The following MKRN1 variants were observed in gnomAD, a reference collection of about 807,000 sequenced individuals.
MKRN1 encodes E3 ubiquitin-protein ligase makorin-1.
Under a neutral mutation model 55.5 loss-of-function variants are expected in MKRN1, and 9 were observed. That is an observed-to-expected ratio of 0.16 (90% confidence interval 0.10 to 0.28). MKRN1 has a LOEUF of 0.28. MKRN1 is among the 10% of genes least tolerant of loss of function. MKRN1 has a pLI of 1.00. For synonymous variants in MKRN1, 253 were observed against 235.9 expected (o/e 1.07, Z -0.66); for missense variants, 488 against 626.7 (o/e 0.78, Z 2.36).
At chr7:140,459,989 G>A in intron 2 of MKRN1, 53 bp from the exon 3 acceptor site, 8 of 1,481,122 alleles carry the variant, frequency 5.4e-6, no homozygotes, top group Non-Finnish European at 7.5e-6. Flanking sequence ...GCTCAAGCCT[G>A]TAATCCCAAC....
rs541104440 is a variant in MKRN1, at chr7:140,467,128, C to A, written c.314+4755G>T. Among the ~76,000 whole-genome samples the A allele has an allele frequency of 1.6e-4, 24 of 152,112 alleles. No homozygotes were observed. The South Asian group carries it at 4.6e-3, about 29-fold the overall frequency. ...GAGTAGCTAGGATTACAGGCATGCG[C>A]CACCATGCTTGGGTAATTTTGTATT... On this transcript the variant is annotated intron_variant, in intron 2 of 7. Coordinates refer to ENST00000255977, the MANE Select transcript of MKRN1 (RefSeq NM_013446.4).
At chr7:140,473,847 C>G (rs1795007614) in intron 1 of MKRN1, 1 of 151,488 alleles carries the variant, frequency 6.6e-6, no homozygotes, top group African/African-American at 2.4e-5. Flanking sequence ...CAAAAATTAG[C>G]CGAGTGTGAT....
chr7:140,461,946 G>C (rs772812341), intron 2 of MKRN1, among the ~76,000 whole-genome samples: 2 of 152,200 alleles, frequency 1.3e-5, no homozygotes, highest in Non-Finnish European at 2.9e-5. Flanking sequence ...TGGTGCCATT[G>C]CACTCCAGCC....
chr7:140,465,261 G>A (rs1157888150), intron 2 of MKRN1, among the ~76,000 whole-genome samples: 2 of 152,122 alleles, frequency 1.3e-5, no homozygotes, highest in Admixed American at 1.3e-4. Flanking sequence ...CACTTTGGGA[G>A]GCCGAGGCAG....
intron 3 of MKRN1, 69 bp from the exon 4 acceptor site, chr7:140,459,302 C>A: frequency 1.4e-6 from 2 of 1,472,296 alleles, no homozygotes; most frequent in Admixed American, 1.8e-5. Flanking sequence ...AACTGAGAAT[C>A]TAACCGCAAA....
intron 2 of MKRN1, among the ~76,000 whole-genome samples, chr7:140,468,537 C>G (rs975070907): frequency 6.6e-6 from 1 of 151,572 alleles, no homozygotes; most frequent in Non-Finnish European, 1.5e-5. Context: ...CCTAACTCTA[C>G]TAAAAATGCA....
At chr7:140,473,177 A>G (rs554764279) in intron 1 of MKRN1, 11 of 415,654 alleles carry the variant, frequency 2.6e-5, no homozygotes, top group Non-Finnish European at 4.2e-5. Flanking sequence ...ACCAATGAAT[A>G]TAAGTATATG....
rs759635628 is a variant in MKRN1 at position 140,459,229 on chromosome 7, C to T, written c.549G>A (p.Ala183=). The T allele has an allele frequency of 9.3e-6, 15 of 1,613,678 alleles. No homozygotes were observed. Among genetic ancestry groups the T allele is most frequent in the Middle Eastern group, 3.3e-4 (2 of 6,078 alleles). ...GCAGGGGTGCTTCAGTGCAGGAAGGCGCAGCTGAAAATGTGTAAGAGGGTG... is the reference window on the plus strand; with the variant it reads ...GCAGGGGTGCTTCAGTGCAGGAAGGTGCAGCTGAAAATGTGTAAGAGGGTG... ...VPGQPYCGRT[A]PSCTEAPLQG... Residue 183 remains alanine, a synonymous_variant, in exon 4 of 8, where the codon GCG becomes GCA. Transcript: ENST00000255977.
intron 2 of MKRN1, among the ~76,000 whole-genome samples, chr7:140,460,861 C>T (rs190067339): frequency 3.3e-5 from 5 of 152,326 alleles, no homozygotes; most frequent in African/African-American, 1.2e-4. Flanking sequence ...TCTGAAACTG[C>T]AGTGCAAAAG....
chr7:140,479,526 A>G (rs1346048543), upstream of MKRN1: 2 of 572,368 alleles, frequency 3.5e-6, no homozygotes, highest in Admixed American at 8.8e-5. Context: ...CTGCGGGCCC[A>G]GAGCATGCGC....
At chr7:140,455,439 A>C (rs1431620416) in intron 6 of MKRN1, 2 of 623,732 alleles carry the variant, frequency 3.2e-6, no homozygotes, top group Admixed American at 5.9e-5. Flanking sequence ...TATGCTGGTT[A>C]ATAGCTCTAG....
At position 140,459,139 on chromosome 7, in the gene MKRN1, C is replaced by A; in HGVS notation, c.639G>T (p.Leu213=). 1 of 1,613,962 alleles carries A rather than the reference C, an allele frequency of 6.2e-7. No individual in the cohort carries two copies. The highest frequency in any genetic ancestry group is 8.5e-7 in the Non-Finnish European group (1 of 1,179,868). Residue 213 remains leucine (L), a synonymous_variant, in exon 4 of 8, where the codon CTG becomes CTT. Coordinates refer to ENST00000255977, the MANE Select transcript of MKRN1 (RefSeq NM_013446.4). ...EQTAVETKKQ[L]CPYAAVGECR... is the part of the protein sequence containing the mutation. ...ACTCTCCCACTGCAGCATAGGGGCACAGCTGCTTCTTTGTCTCCACGGCGG... is the reference window on the plus strand; with the variant it reads ...ACTCTCCCACTGCAGCATAGGGGCAAAGCTGCTTCTTTGTCTCCACGGCGG...
At chr7:140,463,244 C>T (rs574915710) in intron 2 of MKRN1, among the ~76,000 whole-genome samples, 2 of 152,288 alleles carry the variant, frequency 1.3e-5, no homozygotes, top group African/African-American at 4.8e-5. Flanking sequence ...AGGGAAGAAA[C>T]TATCATGAAT....
intron 2 of MKRN1, among the ~76,000 whole-genome samples, chr7:140,465,651 G>A (rs924061784): frequency 6.6e-6 from 1 of 152,092 alleles, no homozygotes; most frequent in African/African-American, 2.4e-5. Context: ...CCACCATTAC[G>A]AAACACTGAT....
intron 2 of MKRN1, among the ~76,000 whole-genome samples, chr7:140,463,643 T>C (rs1794683399): frequency 6.6e-6 from 1 of 152,014 alleles, no homozygotes; most frequent in Middle Eastern, 3.2e-3. Context: ...CCCAGCACTT[T>C]GGGAGGCCAA....
intron 4 of MKRN1, 116 bp downstream of exon 4, chr7:140,458,891 C>G: frequency 8.9e-7 from 1 of 1,117,912 alleles, no homozygotes; most frequent in Non-Finnish European, 1.3e-6. Context: ...AACTTCCCTA[C>G]TCACTGATAA....
At chr7:140,478,932 G>GAAA (rs1795205484) in intron 1 of MKRN1, 1 of 407,018 alleles carries the variant, frequency 2.5e-6, no homozygotes. Context: ...CGCACCGCCA[G>GAAA]GCCTCCGCGG....
chr7:140,463,795 G>C (rs1302611158), intron 2 of MKRN1, among the ~76,000 whole-genome samples: 21 of 152,016 alleles, frequency 1.4e-4, no homozygotes. Context: ...TGAGGGAGGA[G>C]AATGGCGTGA....
intron 2 of MKRN1, among the ~76,000 whole-genome samples, chr7:140,466,669 T>C (rs1214921863): frequency 2.6e-5 from 4 of 151,794 alleles, no homozygotes; most frequent in African/African-American, 9.7e-5. Context: ...CCGGGCGCGG[T>C]GGCGGGCGCC....
Sources: gnomAD v4.1 joint callset for allele counts (sites outside exome capture counted in the v4.1 genomes callset) on GRCh38, gnomAD v4.1.1 for gene constraint, MANE v1.5 for transcripts, NCBI Gene and HGNC (gene_info 2026-07-23, HGNC 2026-07-21) for gene names.